The following PRKCH variants were observed in gnomAD, a reference collection of about 807,000 sequenced individuals.
PRKCH encodes protein kinase C eta type.
Under a neutral mutation model 82.5 loss-of-function variants are expected in PRKCH, and 28 were observed. The observed-to-expected ratio is 0.34, with a 90% CI of 0.25 to 0.47. PRKCH has a LOEUF of 0.47. PRKCH is among the 20% of genes least tolerant of loss of function. PRKCH has a pLI of 1.00. For synonymous variants in PRKCH, 322 were observed against 327.4 expected (o/e 0.98, Z 0.18); for missense variants, 705 against 881.8 (o/e 0.80, Z 2.54).
At chr14:61,362,718 T>C (rs1378769298) in intron 1 of PRKCH, among the ~76,000 whole-genome samples, 1 of 152,262 alleles carries the variant, frequency 6.6e-6, no homozygotes, top group Non-Finnish European at 1.5e-5. Context: ...CCAGCACTCC[T>C]GAAGATGCTT....
chr14:61,228,410 C>T (rs1206746143), intron 1 of PRKCH, among the ~76,000 whole-genome samples: 3 of 152,178 alleles, frequency 2.0e-5, no homozygotes, highest in Non-Finnish European at 4.4e-5. Context: ...CCTCCCTCCT[C>T]ATAGCAAGTT....
chr14:61,423,028 G>A (rs1437346798), intron 2 of PRKCH, among the ~76,000 whole-genome samples: 1 of 152,158 alleles, frequency 6.6e-6, no homozygotes, highest in Non-Finnish European at 1.5e-5. Context: ...TTGAATGAAT[G>A]AATGAAGTTG....
chr14:61,225,715 G>A (rs2044691693), intron 1 of PRKCH, among the ~76,000 whole-genome samples: 1 of 151,712 alleles, frequency 6.6e-6, no homozygotes, highest in South Asian at 2.1e-4. Context: ...TCTGATGAAA[G>A]AGTATAAACA....
chr14:61,468,290 G>A (rs925247496), intron 9 of PRKCH, among the ~76,000 whole-genome samples: 13 of 152,164 alleles, frequency 8.5e-5, no homozygotes, highest in African/African-American at 3.1e-4. Flanking sequence ...GCCAGAACAT[G>A]GTGTTTCCTG....
At chr14:61,445,545 A>G (rs1884180101) in intron 3 of PRKCH, 147 bp from the exon 4 acceptor site, 5 of 746,848 alleles carry the variant, frequency 6.7e-6, no homozygotes, top group Admixed American at 2.2e-5. Flanking sequence ...GTAACAAACA[A>G]TGGCTCAGAA....
intron 1 of PRKCH, among the ~76,000 whole-genome samples, chr14:61,244,910 G>A (rs957325634): frequency 6.6e-6 from 1 of 152,180 alleles, no homozygotes; most frequent in Non-Finnish European, 1.5e-5. Flanking sequence ...CTAATAAAAC[G>A]AAGGAATGTG....
At chr14:61,453,148 C>T (rs1423893819) in intron 6 of PRKCH, 78 bp from the exon 7 acceptor site, 1 of 1,544,874 alleles carries the variant, frequency 6.5e-7, no homozygotes, top group Non-Finnish European at 8.9e-7. Context: ...ATCTTTTAGG[C>T]TATTAAAGTT....
intron 9 of PRKCH, among the ~76,000 whole-genome samples, chr14:61,462,401 GA>G (rs367545654): frequency 8.6e-5 from 13 of 151,890 alleles, no homozygotes; most frequent in African/African-American, 2.7e-4. Flanking sequence ...AAAAAGAAAA[GA>G]AAAAAAAGCA....
At chr14:61,333,345 T>C (rs74054795) in intron 1 of PRKCH, among the ~76,000 whole-genome samples, 2,232 of 152,298 alleles carry the variant, frequency 0.015, 61 homozygotes, top group African/African-American at 0.051. Flanking sequence ...TCCTAAAGCC[T>C]TTCCTAAACC....
chr14:61,315,662 C>T (rs900263912), intron 1 of PRKCH, among the ~76,000 whole-genome samples: 4 of 151,968 alleles, frequency 2.6e-5, no homozygotes, highest in African/African-American at 9.6e-5. Context: ...ACCCGTGTTG[C>T]ATTGTTTTCT....
intron 1 of PRKCH, among the ~76,000 whole-genome samples, chr14:61,289,895 T>C (rs2045345899): frequency 6.6e-6 from 1 of 152,216 alleles, no homozygotes; most frequent in Admixed American, 6.5e-5. Flanking sequence ...CAGGGCTGCC[T>C]CAGGTTTCCT....
intron 1 of PRKCH, among the ~76,000 whole-genome samples, chr14:61,259,365 A>G (rs1328901857): frequency 6.6e-6 from 1 of 152,196 alleles, no homozygotes; most frequent in Non-Finnish European, 1.5e-5. Flanking sequence ...CTGGGCGTTT[A>G]TGGAAGATCT....
At chr14:61,514,918 C>G (rs2042801087) in intron 10 of PRKCH, among the ~76,000 whole-genome samples, 1 of 152,220 alleles carries the variant, frequency 6.6e-6, no homozygotes, top group Non-Finnish European at 1.5e-5. Context: ...AACACCAGTG[C>G]AGTGGCATTG....
rs978717057 is a variant in PRKCH, at chr14:61,476,923, A to G, written c.1279-8579A>G. On this transcript the variant is annotated intron_variant, in intron 9 of 13. Coordinates refer to ENST00000332981, the MANE Select transcript of PRKCH (RefSeq NM_006255.5). ...TTGTTTCTTCCTTGAAGCCTTTGTAATCTTTCTTAATGTGGTTAAATTCAA... is the reference window on the plus strand; with the variant it reads ...TTGTTTCTTCCTTGAAGCCTTTGTAGTCTTTCTTAATGTGGTTAAATTCAA... Among the ~76,000 whole-genome samples the G allele has an allele frequency of 2.0e-5, 3 of 152,144 alleles. No individual in the cohort carries two copies. The South Asian group carries it at 6.2e-4, about 32-fold the overall frequency.
Position 61,280,431 on chromosome 14 carries a change from G to C in PRKCH, c.-19+92763G>C. On this transcript the variant is annotated intron_variant, in intron 1 of 3. Coordinates refer to the PRKCH transcript ENST00000555185. The surrounding 1 kb of genome is among the most constrained non-coding windows in gnomAD (Gnocchi z 5.0). ...GATTGATGAAGCCGGTGTTGTTGGG[G>C]TCGGGGCTGAGCTCGTAGACTGGCC... 6.2e-7 allele frequency: 1 copy of C among 1,614,010 alleles called. No homozygotes were observed. The highest frequency in any genetic ancestry group is 1.3e-5 in the African/African-American group (1 of 75,070).
In PRKCH at chr14:61,236,038, CCAG is replaced by C. The variant is rs1324469107; in HGVS notation, c.-19+48373_-19+48375del. ...TTTTTTGGAATTCAGGCATAATTGA[CCAG>C]CATTAATATTAAAACAGAGATCTTA... is the stretch of plus-strand genomic sequence containing the variant. On this transcript the variant is annotated intron_variant, in intron 1 of 3. Transcript: ENST00000555185. Among the ~76,000 whole-genome samples the C allele has an allele frequency of 2.0e-5, 3 of 152,212 alleles. No homozygotes were observed. In the East Asian group the frequency reaches 5.8e-4, roughly 29 times the overall value.
intron 9 of PRKCH, among the ~76,000 whole-genome samples, chr14:61,469,229 G>T (rs1885393170): frequency 6.6e-6 from 1 of 152,198 alleles, no homozygotes; most frequent in African/African-American, 2.4e-5. Flanking sequence ...GAGCCACCGT[G>T]CCTGGCTAGA....
intron 10 of PRKCH, among the ~76,000 whole-genome samples, chr14:61,516,607 T>C (rs373633880): frequency 1.3e-5 from 2 of 152,164 alleles, no homozygotes; most frequent in East Asian, 3.8e-4. Flanking sequence ...AACCAAGTGC[T>C]GGGGCCGGAG....
intron 2 of PRKCH, among the ~76,000 whole-genome samples, chr14:61,442,129 A>G (rs949291151): frequency 2.0e-5 from 3 of 152,118 alleles, no homozygotes; most frequent in African/African-American, 7.2e-5. Context: ...CTTTGTTTCA[A>G]TGATTAAAGC....
Sources: allele counts gnomAD v4.1 joint callset (sites outside exome capture counted in the v4.1 genomes callset), GRCh38; gene constraint gnomAD v4.1.1; non-coding constraint Gnocchi (gnomAD v3.1); transcripts MANE v1.5; gene names NCBI Gene and HGNC (gene_info 2026-07-23, HGNC 2026-07-21).